Variants in ZC3H15 observed in about 807,000 individuals in gnomAD.
The protein encoded by ZC3H15 is zinc finger CCCH domain-containing protein 15.
A neutral mutation model predicts 51.2 loss-of-function variants in ZC3H15; 15 were observed. That is an observed-to-expected ratio of 0.29 (90% CI 0.20 to 0.45). The LOEUF (loss-of-function observed/expected upper bound fraction) is 0.45, where lower values mean the gene tolerates loss of function less well. Ranked by LOEUF, ZC3H15 falls within the 20% of genes least tolerant of loss-of-function variation. The probability of loss-of-function intolerance (pLI) is 1.00; values close to 1 mark genes in which losing one functional copy is unlikely to be tolerated. For synonymous variants in ZC3H15, 144 were observed against 162.8 expected (o/e 0.88, Z 0.88); for missense variants, 381 against 494.7 (o/e 0.77, Z 2.18).
At chr2:186,499,391 C>G (rs1481326264) in intron 2 of ZC3H15, among the ~76,000 whole-genome samples, 1 of 152,194 alleles carries the variant, frequency 6.6e-6, no homozygotes, top group Non-Finnish European at 1.5e-5. Context: ...GTCCCTGTAA[C>G]TTTGCATTGG....
intron 8 of ZC3H15, 68 bp downstream of exon 8, chr2:186,505,909 T>C: frequency 6.6e-7 from 1 of 1,512,286 alleles, no homozygotes; most frequent in Non-Finnish European, 9.1e-7. Context: ...TACCACAACA[T>C]GGTTAAGAGC....
chr2:186,487,377 TTTCTGCTATTAATCCTC>T (rs1685116312), intron 1 of ZC3H15: 1 of 152,212 alleles, frequency 6.6e-6, no homozygotes, highest in East Asian at 1.9e-4. Context: ...CTTCCCTCGA[TTTCTGCTATTAATCCTC>T]CTCATAATTA....
chr2:186,507,584 A>G, intron 9 of ZC3H15: 2 of 408,160 alleles, frequency 4.9e-6, no homozygotes, highest in South Asian at 3.6e-5. Context: ...GATTGTTGGT[A>G]TAATTTATGT....
Position 186,508,736 on chromosome 2 carries a change from C to T in ZC3H15, c.*3C>T. 1 of 1,612,026 alleles carries T rather than the reference C, an allele frequency of 6.2e-7. No homozygotes were observed. On this transcript the variant is annotated 3_prime_UTR_variant, in exon 10 of 10. Transcript: ENST00000337859. ...ATACACTTGATTTAGAAGAATGACA[C>T]CAAACACATCGCTGAAAAAATTAAG...
rs1685297323 is a variant in ZC3H15 at position 186,497,234 on chromosome 2, TA to T, written c.177+1905del. The T allele has an allele frequency of 1.6e-5, 6 of 373,444 alleles. 1 individual carries two copies. The highest frequency in any genetic ancestry group is 1.2e-4 in the South Asian group (6 of 49,926). 23.1% of individuals were successfully genotyped at this position (373,444 alleles called of 1,614,324 possible). A position where few individuals can be genotyped will look rare whatever the true frequency, so the allele number is the denominator to read the frequency against. On this transcript the variant is annotated intron_variant, in intron 2 of 9. Transcript: ENST00000337859. ...ATTTCTCATGTGTTTACAGATTTTT[TA>T]AAAATCTGCTAATATGTATTTGTGA...
At chr2:186,496,590 T>C (rs774296785) in intron 2 of ZC3H15, among the ~76,000 whole-genome samples, 1 of 152,214 alleles carries the variant, frequency 6.6e-6, no homozygotes, top group Non-Finnish European at 1.5e-5. Context: ...GTCATAGTCA[T>C]ACATTGTTTA....
Position 186,486,475 on chromosome 2 carries a change from C to G in ZC3H15, c.75+18C>G. 2.0e-6 allele frequency: 3 copies of G among 1,538,226 alleles called. No homozygotes were observed. Among genetic ancestry groups the G allele is most frequent in the Non-Finnish European group, 2.6e-6 (3 of 1,139,610 alleles). On this transcript the variant is annotated intron_variant, in intron 1 of 9. Transcript: ENST00000337859. ...TTATCGAAGTGAGTACCCACCCCTCCCCCACTCACGCCGCGAGCCCTCCGG... is the reference window on the plus strand; with the variant it reads ...TTATCGAAGTGAGTACCCACCCCTCGCCCACTCACGCCGCGAGCCCTCCGG...
chr2:186,490,875 A>G (rs1685186342), intron 1 of ZC3H15, among the ~76,000 whole-genome samples: 1 of 152,214 alleles, frequency 6.6e-6, no homozygotes, highest in Non-Finnish European at 1.5e-5. Flanking sequence ...TCTGAAACAC[A>G]CATAAACACG....
At position 186,501,433 on chromosome 2, in the gene ZC3H15, T is replaced by C. The variant is rs374025117; in HGVS notation, c.442+8T>C. On this transcript the variant is annotated splice_region_variant and intron_variant, in intron 4 of 9. Transcript: ENST00000337859. ...ATGAAGAACTTGAAAAAGGTAATTT[T>C]TTTAAAAACACTCTCTTAAAAATAA... The C allele has an allele frequency of 6.2e-5, 100 of 1,602,708 alleles. No homozygotes were observed. The African/African-American group carries it at 1.3e-3, about 20-fold the overall frequency.
intron 4 of ZC3H15, among the ~76,000 whole-genome samples, chr2:186,501,673 C>G (rs1252615838): frequency 6.6e-6 from 1 of 151,994 alleles, no homozygotes; most frequent in Non-Finnish European, 1.5e-5. Context: ...GTACTACCTG[C>G]TCATTTATCC....
At chr2:186,499,611 T>C (rs1454398676) in intron 2 of ZC3H15, 1 of 455,674 alleles carries the variant, frequency 2.2e-6, no homozygotes, top group Non-Finnish European at 4.4e-6. Context: ...CTCTGTCATC[T>C]AACATAGGAC....
chr2:186,497,099 A>G (rs937899785), intron 2 of ZC3H15: 1 of 427,016 alleles, frequency 2.3e-6, no homozygotes, highest in African/African-American at 2.1e-5. Context: ...TCACTTGTAA[A>G]GATTTCATAG....
chr2:186,506,699 A>T lies in ZC3H15; in HGVS notation c.967-14A>T. 6.3e-7 allele frequency: 1 copy of T among 1,595,172 alleles called. No individual in the cohort carries two copies. The highest frequency in any genetic ancestry group is 8.5e-7 in the Non-Finnish European group (1 of 1,172,260). On this transcript the variant is annotated splice_polypyrimidine_tract_variant and intron_variant, in intron 8 of 9. Coordinates refer to ENST00000337859, the MANE Select transcript of ZC3H15 (RefSeq NM_018471.3). ...CTTATTTGTAACAACTTTCTTTTCT[A>T]TATGTTGTTAAAGGTTGATGATTCA...
intron 1 of ZC3H15, chr2:186,488,652 G>A (rs1685145418): frequency 6.6e-6 from 1 of 152,284 alleles, no homozygotes; most frequent in African/African-American, 2.4e-5. Context: ...ATGGGTTAGA[G>A]GCGGTGTTTG....
At chr2:186,501,554 T>A in intron 4 of ZC3H15, 129 bp downstream of exon 4, 4 of 770,210 alleles carry the variant, frequency 5.2e-6, no homozygotes, top group South Asian at 2.6e-5. Context: ...TAATTGGGTT[T>A]ATTATTTTTT....
chr2:186,494,747 A>G (rs972756389), intron 1 of ZC3H15, among the ~76,000 whole-genome samples: 1 of 152,034 alleles, frequency 6.6e-6, no homozygotes, highest in African/African-American at 2.4e-5. Flanking sequence ...TCATGTTCTC[A>G]CTCATAGGTG....
rs764173339 is a variant in ZC3H15 at position 186,501,445 on chromosome 2, T to C, written c.442+20T>C. 1 of 1,596,870 alleles carries C rather than the reference T, an allele frequency of 6.3e-7. No homozygotes were observed. Among genetic ancestry groups the C allele is most frequent in the Admixed American group, 1.7e-5 (1 of 57,318 alleles). On this transcript the variant is annotated intron_variant, in intron 4 of 9. Transcript: ENST00000337859. ...AAAAAGGTAATTTTTTTAAAAACAC[T>C]CTCTTAAAAATAAATGTTGAATACT...
intron 2 of ZC3H15, among the ~76,000 whole-genome samples, chr2:186,499,193 G>A (rs746976069): frequency 3.9e-5 from 6 of 152,142 alleles, no homozygotes; most frequent in Non-Finnish European, 7.4e-5. Flanking sequence ...GTGTACAGCA[G>A]TTGCAGCAGC....
At chr2:186,506,915 G>C in intron 9 of ZC3H15, 79 bp downstream of exon 9, 2 of 1,454,560 alleles carry the variant, frequency 1.4e-6, no homozygotes, top group Non-Finnish European at 9.3e-7. Context: ...GGCAAACTTA[G>C]ATGTGTGCAG....
Sources: gnomAD v4.1 joint callset for allele counts (sites outside exome capture counted in the v4.1 genomes callset) on GRCh38, gnomAD v4.1.1 for gene constraint, MANE v1.5 for transcripts, NCBI Gene and HGNC (gene_info 2026-07-23, HGNC 2026-07-21) for gene names.